Variants in NOX3 observed in about 807,000 individuals in gnomAD.
NOX3 encodes the protein NADPH oxidase 3.
Under a neutral mutation model 76.7 loss-of-function variants are expected in NOX3, and 74 were observed. That is an observed-to-expected ratio of 0.96 (90% CI 0.80 to 1.17). The LOEUF (loss-of-function observed/expected upper bound fraction) is 1.17. NOX3 is among the 50% of genes most tolerant of loss of function. The pLI, the probability that NOX3 is intolerant of heterozygous loss-of-function variation, is 0.00. For missense variants in NOX3, 695 were observed against 703.3 expected (o/e 0.99, Z 0.13); for synonymous variants, 263 against 261.1 (o/e 1.01, Z -0.07).
intron 4 of NOX3, among the ~76,000 whole-genome samples, chr6:155,450,094 C>T (rs1259132892): frequency 6.6e-6 from 1 of 152,190 alleles, no homozygotes; most frequent in African/African-American, 2.4e-5. Flanking sequence ...CTCTGCTGGT[C>T]GCCATGGAGG....
Position 155,426,144 on chromosome 6 carries a change from T to G in NOX3, c.1145+2650A>C, listed in dbSNP as rs549087589. Among the ~76,000 whole-genome samples the G allele has an allele frequency of 4.6e-5, 7 of 152,344 alleles. No individual in the cohort carries two copies. The East Asian group carries it at 1.3e-3, about 29-fold the overall frequency. The stretch of plus-strand genomic sequence containing the variant: ...GTTGAAGATTTAAACAAATTCTAGT[T>G]TTTTGGAAGGCTTTGCCACTAATAC... On this transcript the variant is annotated intron_variant, in intron 9 of 13. Coordinates refer to ENST00000159060, the MANE Select transcript of NOX3 (RefSeq NM_015718.3).
At chr6:155,435,863 TTAAG>T (rs1427087054) in intron 7 of NOX3, among the ~76,000 whole-genome samples, 1 of 152,170 alleles carries the variant, frequency 6.6e-6, no homozygotes, top group Non-Finnish European at 1.5e-5. Flanking sequence ...CACAAATTAA[TTAAG>T]TATCTTCTTG....
intron 11 of NOX3, among the ~76,000 whole-genome samples, chr6:155,407,572 G>T (rs935724423): frequency 6.6e-6 from 1 of 152,210 alleles, no homozygotes; most frequent in Non-Finnish European, 1.5e-5. Flanking sequence ...GAGAAAGCAA[G>T]CACTAAACGA....
intron 10 of NOX3, among the ~76,000 whole-genome samples, chr6:155,418,085 A>G (rs1179850068): frequency 6.6e-6 from 1 of 152,174 alleles, no homozygotes; most frequent in Non-Finnish European, 1.5e-5. Flanking sequence ...CTCAGTCCTG[A>G]CTGCACAGCT....
At chr6:155,415,588 C>T (rs1471114716) in intron 10 of NOX3, among the ~76,000 whole-genome samples, 4 of 152,202 alleles carry the variant, frequency 2.6e-5, no homozygotes, top group Non-Finnish European at 2.9e-5. Context: ...AACAGCTCAG[C>T]GTTGTGAGCC....
At chr6:155,424,532 G>C (rs372426164) in intron 9 of NOX3, among the ~76,000 whole-genome samples, 1 of 152,184 alleles carries the variant, frequency 6.6e-6, no homozygotes, top group African/African-American at 2.4e-5. Context: ...TGAAGACACC[G>C]GAGGTTGGCC....
intron 10 of NOX3, among the ~76,000 whole-genome samples, chr6:155,413,709 C>T (rs576507779): frequency 5.3e-5 from 8 of 152,162 alleles, no homozygotes; most frequent in South Asian, 4.1e-4. Context: ...TAATGCAGTG[C>T]TCACCTATGC....
chr6:155,405,008 G>GA (rs1209553625), intron 12 of NOX3, among the ~76,000 whole-genome samples: 7 of 152,068 alleles, frequency 4.6e-5, no homozygotes, highest in Non-Finnish European at 8.8e-5. Flanking sequence ...GAAAGAGTGT[G>GA]AAAAAAATGT....
In NOX3 at chr6:155,422,712, G is replaced by T; in HGVS notation, c.1290C>A (p.Thr430=). ...TCCGTACCTTGCTCAGCTTCAGTGG[G>T]GTCTGTGCCTCACTGCATTTGTACC... ...SIWYKCSEAQ[T]PLKLSKVYFY... is the part of the protein sequence containing the mutation. Residue 430 remains threonine (T), a synonymous_variant, in exon 10 of 14, where the codon ACC becomes ACA. Coordinates refer to ENST00000159060, the MANE Select transcript of NOX3 (RefSeq NM_015718.3). 6.2e-7 allele frequency: 1 copy of T among 1,614,088 alleles called. No individual in the cohort carries two copies. Among genetic ancestry groups the T allele is most frequent in the East Asian group, 2.2e-5 (1 of 44,878 alleles).
intron 4 of NOX3, among the ~76,000 whole-genome samples, chr6:155,448,973 T>C (rs1378103026): frequency 6.6e-6 from 1 of 152,162 alleles, no homozygotes; most frequent in African/African-American, 2.4e-5. Flanking sequence ...TCTGGCACCC[T>C]GTGTGTGCCA....
chr6:155,427,906 C>T lies in NOX3; in HGVS notation c.1145+888G>A, dbSNP rs532571617. The stretch of plus-strand genomic sequence containing the variant: ...TTTTTCTTTCCTCCTCCTCCTCCTC[C>T]TTCTTCTTTTTTGAAACAAGGTCTC... On this transcript the variant is annotated intron_variant, in intron 9 of 13. Transcript: ENST00000159060. Among the ~76,000 whole-genome samples, 12 of 152,100 alleles carry T rather than the reference C, an allele frequency of 7.9e-5. No homozygotes were observed. The South Asian group carries it at 2.3e-3, about 29-fold the overall frequency.
intron 9 of NOX3, among the ~76,000 whole-genome samples, chr6:155,424,557 T>A (rs976915190): frequency 3.3e-5 from 5 of 152,280 alleles, no homozygotes; most frequent in African/African-American, 1.2e-4. Context: ...TGAGCTTTAC[T>A]ATGTGTTCAT....
chr6:155,395,909 T>C (rs1289873010), intron 13 of NOX3, among the ~76,000 whole-genome samples: 3 of 151,456 alleles, frequency 2.0e-5, no homozygotes, highest in African/African-American at 7.3e-5. Flanking sequence ...TAAAAGAGAT[T>C]GAGAAAGAAA....
intron 12 of NOX3, among the ~76,000 whole-genome samples, chr6:155,403,081 T>G (rs1779255999): frequency 6.6e-6 from 1 of 152,262 alleles, no homozygotes; most frequent in African/African-American, 2.4e-5. Context: ...TGCAGAACAG[T>G]AATTGGATTG....
intron 10 of NOX3, among the ~76,000 whole-genome samples, chr6:155,417,367 A>G (rs555038689): frequency 8.6e-4 from 131 of 152,198 alleles, no homozygotes; most frequent in Non-Finnish European, 1.7e-3. Context: ...TTGGGGAGGG[A>G]GGTGAAGGGA....
At chr6:155,445,332 G>A (rs947747614) in intron 4 of NOX3, among the ~76,000 whole-genome samples, 2 of 152,210 alleles carry the variant, frequency 1.3e-5, no homozygotes, top group African/African-American at 4.8e-5. Context: ...TTGTGAGTGA[G>A]TTACGGGATC....
At chr6:155,424,900 C>G (rs1003662514) in intron 9 of NOX3, among the ~76,000 whole-genome samples, 49 of 152,086 alleles carry the variant, frequency 3.2e-4, no homozygotes, top group Admixed American at 2.9e-3. Context: ...TCAATTAAAT[C>G]CCAAGAAGAA....
In NOX3 at chr6:155,453,416, C is replaced by T. The variant is rs752959061; in HGVS notation, c.328G>A (p.Ala110Thr). 6 of 1,612,212 alleles carry T rather than the reference C, an allele frequency of 3.7e-6. No individual in the cohort carries two copies. The highest frequency in any genetic ancestry group is 5.1e-6 in the Non-Finnish European group (6 of 1,178,256). Residue 110 changes from alanine (A) to threonine (T), a missense_variant, in exon 4 of 14, where the codon GCT (alanine) becomes ACT (threonine). By Grantham distance (58) the Ala-to-Thr change is moderately conservative. Coordinates refer to ENST00000159060, the MANE Select transcript of NOX3 (RefSeq NM_015718.3). ...AATAAGTACTTACTTGCATTAACAG[C>T]TATCCCATAGGCGACCAGTTTGTGA... ...RFHKLVAYGI[A>T]VNATIHIVAH...
intron 11 of NOX3, among the ~76,000 whole-genome samples, chr6:155,410,296 A>AGT (rs142349696): frequency 0.11 from 16,946 of 149,322 alleles, 1,062 homozygotes; most frequent in East Asian, 0.23. Context: ...CTATAAGGCC[A>AGT]GTGTGTGTGT....
Sources: allele counts gnomAD v4.1 joint callset (sites outside exome capture counted in the v4.1 genomes callset), GRCh38; gene constraint gnomAD v4.1.1; transcripts MANE v1.5; gene names NCBI Gene and HGNC (gene_info 2026-07-23, HGNC 2026-07-21).